The following PM20D2 variants were observed in gnomAD, a reference collection of about 807,000 sequenced individuals.
PM20D2 encodes xaa-Arg dipeptidase.
A neutral mutation model predicts 42.9 loss-of-function variants in PM20D2; 33 were observed. That is an observed-to-expected ratio of 0.77 (90% CI 0.58 to 1.03). The LOEUF is 1.03. Among genes scored for constraint, PM20D2 ranks in the 50% least tolerant of loss-of-function variants. The pLI is 0.00. For synonymous variants in PM20D2, 250 were observed against 228.2 expected (o/e 1.10, Z -0.86); for missense variants, 548 against 557.0 (o/e 0.98, Z 0.16).
At chr6:89,124,301 T>C in the PM20D2 span, among the ~76,000 whole-genome samples, 33,822 of 152,186 alleles carry the variant, frequency 0.22, 4,379 homozygotes, top group East Asian at 0.63. Flanking sequence ...GTTTTAACTC[T>C]CACACTATGC....
chr6:89,135,008 T>C, the PM20D2 span, among the ~76,000 whole-genome samples: 9 of 151,044 alleles, frequency 6.0e-5, no homozygotes, highest in South Asian at 2.1e-4. Context: ...GCAGTCAGTC[T>C]GCTGCAGAAG....
intron 5 of PM20D2, among the ~76,000 whole-genome samples, chr6:89,159,358 C>T (rs1156431727): frequency 6.6e-6 from 1 of 152,126 alleles, no homozygotes; most frequent in Non-Finnish European, 1.5e-5. Flanking sequence ...GAGAAGAAAA[C>T]TTACAGAAGA....
intron 3 of PM20D2, 101 bp downstream of exon 3, chr6:89,153,286 G>A (rs1480332386): frequency 1.8e-5 from 16 of 909,484 alleles, no homozygotes; most frequent in African/African-American, 5.2e-5. Context: ...AAATATTTTT[G>A]TACTTCATAT....
In PM20D2 at chr6:89,158,439, A is replaced by G. The variant is rs1582350846; in HGVS notation, c.1027A>G (p.Thr343Ala). 1 of 1,608,986 alleles carries G rather than the reference A, an allele frequency of 6.2e-7. No homozygotes were observed. Among genetic ancestry groups the G allele is most frequent in the African/African-American group, 1.3e-5 (1 of 74,238 alleles). Reference protein sequence around the residue: ...KLGIEFISEDTMLNGPSGSTD... With the variant: ...KLGIEFISEDAMLNGPSGSTD... ...AGGAATAGAGTTCATTTCAGAAGAT[A>G]CAATGTTGAATGGCCCTTCAGGTAA... Residue 343 changes from threonine (T) to alanine (A), a missense_variant, in exon 5 of 7, where the codon ACA becomes GCA. Transcript: ENST00000275072.
In PM20D2 at chr6:89,165,077, T is replaced by A. The variant is rs1273540095; in HGVS notation, c.*2814T>A. On this transcript the variant is annotated 3_prime_UTR_variant, in exon 7 of 7. Transcript: ENST00000275072. ...ACCATCTTGAAAATTTTTGAGGAAG[T>A]GTTTCTGAAATATTTAAAAATACTT... 1 of 151,968 alleles carries A rather than the reference T, an allele frequency of 6.6e-6. No individual in the cohort carries two copies. The highest frequency in any genetic ancestry group is 2.4e-5 in the African/African-American group (1 of 41,416). 9.4% of individuals were successfully genotyped at this position (151,968 alleles called of 1,614,324 possible).
At chr6:89,118,636 A>G in the PM20D2 span, among the ~76,000 whole-genome samples, 1 of 152,208 alleles carries the variant, frequency 6.6e-6, no homozygotes, top group African/African-American at 2.4e-5. Context: ...TTTAAGTATT[A>G]TATGATTCTT....
At chr6:89,098,783 T>C in the PM20D2 span, 4 of 1,614,000 alleles carry the variant, frequency 2.5e-6, no homozygotes, top group Non-Finnish European at 3.4e-6. Flanking sequence ...TGACTGTGAT[T>C]TTCCTATTGA....
chr6:89,150,286 GAGGAATCTTTGAACTTTGGTTTCA>G (rs1363281830), intron 2 of PM20D2, among the ~76,000 whole-genome samples: 1 of 152,142 alleles, frequency 6.6e-6, no homozygotes, highest in East Asian at 1.9e-4. Context: ...GTGGCAGTAG[GAGGAATCTTTGAACTTTGGTTTCA>G]AGGGTGGTGG....
chr6:89,097,337 A>G, the PM20D2 span: 7 of 152,172 alleles, frequency 4.6e-5, no homozygotes, highest in Non-Finnish European at 1.0e-4. Flanking sequence ...CACAAACACT[A>G]CCAAAACCCT....
chr6:89,155,317 A>G (rs1239876636), intron 4 of PM20D2, among the ~76,000 whole-genome samples: 2 of 114,594 alleles, frequency 1.7e-5, no homozygotes, highest in East Asian at 5.9e-4. Context: ...TCTATTGCCC[A>G]GGCTGGAGTT....
chr6:89,157,002 A>G (rs1771071402), intron 4 of PM20D2, among the ~76,000 whole-genome samples: 1 of 152,200 alleles, frequency 6.6e-6, no homozygotes, highest in Admixed American at 6.5e-5. Context: ...GATGTGAACT[A>G]TTATCATTAG....
chr6:89,142,081 T>TA (rs1770336946), upstream of PM20D2, among the ~76,000 whole-genome samples: 2 of 151,662 alleles, frequency 1.3e-5, no homozygotes, highest in Non-Finnish European at 2.9e-5. Context: ...CTCAGCCTCT[T>TA]AAAGTGCTGG....
chr6:89,112,392 AAAGT>A, the PM20D2 span, among the ~76,000 whole-genome samples: 1 of 151,944 alleles, frequency 6.6e-6, no homozygotes, highest in Non-Finnish European at 1.5e-5. Context: ...AGGAAGAAGA[AAAGT>A]AAGTCCTACT....
the PM20D2 span, among the ~76,000 whole-genome samples, chr6:89,139,950 C>CA: frequency 1.3e-5 from 2 of 152,176 alleles, no homozygotes; most frequent in African/African-American, 4.8e-5. Flanking sequence ...TTTAATGCCT[C>CA]AAGTCTGGCC....
rs1165483733 is a variant in PM20D2, at chr6:89,146,409, G to A, written c.265G>A (p.Ala89Thr). The change falls in exon 1 of 7, where the codon GCC (alanine) becomes ACC (threonine). Residue 89 changes from alanine (A) to threonine (T), a missense_variant. Physicochemically the swap from Ala to Thr is moderately conservative, Grantham distance 58. Coordinates refer to ENST00000275072, the MANE Select transcript of PM20D2 (RefSeq NM_001010853.3). ...CTACCAGCTGCCCACGGCCTTCCGCGCCGAGTGGGAGCCGCCGGAGGCCCG... is the reference window on the plus strand; with the variant it reads ...CTACCAGCTGCCCACGGCCTTCCGCACCGAGTGGGAGCCGCCGGAGGCCCG... ...PHYQLPTAFRAEWEPPEARAP... is the reference protein window; with the variant it reads ...PHYQLPTAFRTEWEPPEARAP... The A allele has an allele frequency of 5.2e-6, 8 of 1,525,652 alleles. No individual in the cohort carries two copies. Among genetic ancestry groups the A allele is most frequent in the Non-Finnish European group, 7.0e-6 (8 of 1,143,576 alleles). The allele number at this position is 1,525,652 out of a possible 1,614,324, so 94.5% of individuals were successfully genotyped here. A position where few individuals can be genotyped will look rare whatever the true frequency, so the allele number is the denominator to read the frequency against.
chr6:89,159,730 T>C (rs1306322072), intron 5 of PM20D2, among the ~76,000 whole-genome samples: 4 of 152,192 alleles, frequency 2.6e-5, no homozygotes, highest in African/African-American at 9.7e-5. Context: ...CTCTAGGAAG[T>C]AGCACACAGT....
At chr6:89,153,419 T>C (rs1239796141) in intron 3 of PM20D2, among the ~76,000 whole-genome samples, 4 of 152,164 alleles carry the variant, frequency 2.6e-5, no homozygotes, top group African/African-American at 9.7e-5. Flanking sequence ...CATCTTTGAG[T>C]ATCAAAGATA....
At chr6:89,099,413 T>TATATATATATATGTGTATATATATAC in the PM20D2 span, among the ~76,000 whole-genome samples, 4 of 140,030 alleles carry the variant, frequency 2.9e-5, no homozygotes, top group Non-Finnish European at 4.6e-5. Context: ...CATATATATA[T>TATATATATATATGTGTATATATATAC]ACATATATAT....
chr6:89,109,875 A>C, the PM20D2 span, among the ~76,000 whole-genome samples: 1 of 152,138 alleles, frequency 6.6e-6, no homozygotes, highest in Non-Finnish European at 1.5e-5. Flanking sequence ...GCGGATTACG[A>C]GGTCAGGAGA....
Sources: gnomAD v4.1 joint callset for allele counts (sites outside exome capture counted in the v4.1 genomes callset) on GRCh38, gnomAD v4.1.1 for gene constraint, MANE v1.5 for transcripts, NCBI Gene and HGNC (gene_info 2026-07-23, HGNC 2026-07-21) for gene names.